The following C2orf49 variants were observed in gnomAD, a reference collection of about 807,000 sequenced individuals.
The protein encoded by C2orf49 is tRNA-splicing ligase complex subunit ASW.
In C2orf49, 11 loss-of-function variants were observed where a neutral mutation model predicts 20.6. The observed-to-expected ratio is 0.53, with a 90% CI of 0.34 to 0.88. The LOEUF is 0.88. C2orf49 is among the 40% of genes least tolerant of loss of function. The pLI is 0.02. For synonymous variants in C2orf49, 134 were observed against 108.5 expected, an observed-to-expected ratio of 1.24 and a Z score of -1.46; for missense variants, 289 against 274.2, an observed-to-expected ratio of 1.05 and a Z score of -0.38.
the C2orf49 span, among the ~76,000 whole-genome samples, chr2:105,363,624 C>T: frequency 1.3e-5 from 2 of 152,194 alleles, no homozygotes; most frequent in Non-Finnish European, 2.9e-5. Context: ...CACAGTCACT[C>T]GTCACCCTCA....
At chr2:105,343,336 G>T (rs1046071003) in intron 3 of C2orf49, 113 bp downstream of exon 3, 3 of 1,013,282 alleles carry the variant, frequency 3.0e-6, no homozygotes, top group Non-Finnish European at 4.2e-6. Flanking sequence ...GAACCCTTTT[G>T]ATGGTCTGTC....
rs913667178 is a variant in C2orf49, at chr2:105,346,789, A to G, written c.*1418A>G. On this transcript the variant is annotated 3_prime_UTR_variant, in exon 4 of 4. Transcript: ENST00000258457. ...GTTCTACACAGAATTACCTGCTAAG[A>G]TTTTTTGTTTATTTTTGTTTGAGTG... 1 of 152,212 alleles carries G rather than the reference A, an allele frequency of 6.6e-6. No individual in the cohort carries two copies. Among genetic ancestry groups the G allele is most frequent in the East Asian group, 1.9e-4 (1 of 5,180 alleles). The allele number at this position is 152,212 out of a possible 1,614,324, so 9.4% of individuals were successfully genotyped here.
At chr2:105,339,218 T>A (rs1361039914) in intron 1 of C2orf49, among the ~76,000 whole-genome samples, 1 of 152,264 alleles carries the variant, frequency 6.6e-6, no homozygotes, top group Non-Finnish European at 1.5e-5. Flanking sequence ...ATTGACAGAA[T>A]GTGGTGATTG....
chr2:105,339,844 T>A, intron 2 of C2orf49, 95 bp downstream of exon 2: 1 of 1,136,310 alleles, frequency 8.8e-7, no homozygotes, highest in Non-Finnish European at 1.2e-6. Context: ...AAGTAAAAAA[T>A]TTATTTACTC....
At chr2:105,364,371 C>T in the C2orf49 span, among the ~76,000 whole-genome samples, 1 of 152,198 alleles carries the variant, frequency 6.6e-6, no homozygotes, top group South Asian at 2.1e-4. Flanking sequence ...GCTTAAAGGA[C>T]AGCCGGGACT....
the C2orf49 span, among the ~76,000 whole-genome samples, chr2:105,377,180 CT>C: frequency 1.3e-5 from 2 of 152,152 alleles, no homozygotes; most frequent in Admixed American, 6.5e-5. Context: ...CGTAAATGGG[CT>C]TGATGGGGGT....
chr2:105,374,972 GAGCCTGCCC>G, the C2orf49 span, among the ~76,000 whole-genome samples: 1 of 152,182 alleles, frequency 6.6e-6, no homozygotes, highest in Non-Finnish European at 1.5e-5. Flanking sequence ...CCCTGAAGAA[GAGCCTGCCC>G]ACGATGTCTC....
the C2orf49 span, among the ~76,000 whole-genome samples, chr2:105,361,641 T>C: frequency 4.1e-4 from 63 of 152,166 alleles, 2 homozygotes; most frequent in Non-Finnish European, 1.6e-4. Flanking sequence ...AGAAGAGATA[T>C]ATAAACTGGT....
chr2:105,344,373 A>AT lies in C2orf49; in HGVS notation c.643-932dup, dbSNP rs377712575. Among the ~76,000 whole-genome samples the AT allele has an allele frequency of 8.7e-3, 1,298 of 149,802 alleles. 20 individuals carry two copies. The highest frequency in any genetic ancestry group is 0.03 in the African/African-American group (1,238 of 40,794). On this transcript the variant is annotated intron_variant, in intron 3 of 3. Coordinates refer to ENST00000258457, the MANE Select transcript of C2orf49 (RefSeq NM_024093.3). ...TGCCATAAGGAGTAAGCCTCAGAGA[A>AT]TTTTTTTTTTCCAGGCTCTTAAACA... is the stretch of plus-strand genomic sequence containing the variant.
rs943806613 is a variant in C2orf49, at chr2:105,339,873, A to G, written c.266+124A>G. 1.2e-5 allele frequency: 10 copies of G among 827,850 alleles called. No individual in the cohort carries two copies. The African/African-American group carries it at 1.6e-4, about 13-fold the overall frequency. The allele number at this position is 827,850 out of a possible 1,614,324, so 51.3% of individuals were successfully genotyped here. ...TTTACTCAATGACTATCTATTGAGC[A>G]CCAGGCACTGTGCGTATAGCAGTGA... is the stretch of plus-strand genomic sequence containing the variant. On this transcript the variant is annotated intron_variant, in intron 2 of 3. Transcript: ENST00000258457.
chr2:105,342,035 C>G (rs1274969734), intron 2 of C2orf49, among the ~76,000 whole-genome samples: 1 of 152,146 alleles, frequency 6.6e-6, no homozygotes, highest in African/African-American at 2.4e-5. Context: ...TAGCTGGGCA[C>G]TGTGGCATGC....
intron 1 of C2orf49, 124 bp downstream of exon 1, chr2:105,337,810 AC>A: frequency 1.3e-6 from 1 of 778,172 alleles, no homozygotes; most frequent in Non-Finnish European, 2.0e-6. Flanking sequence ...GTCACTCTCC[AC>A]CCACACAGAC....
At position 105,345,791 on chromosome 2, in the gene C2orf49, C is replaced by T. The variant is rs1397038276; in HGVS notation, c.*420C>T. The T allele has an allele frequency of 1.9e-5, 3 of 160,874 alleles. No homozygotes were observed. The highest frequency in any genetic ancestry group is 1.9e-4 in the East Asian group (1 of 5,388). The allele number at this position is 160,874 out of a possible 1,614,324, so 10.0% of individuals were successfully genotyped here. ...CAGCCTGACCAACATGGAGAAACCCCGTCTCTACTAAAAAATACAAAATTA... is the reference window on the plus strand; with the variant it reads ...CAGCCTGACCAACATGGAGAAACCCTGTCTCTACTAAAAAATACAAAATTA... On this transcript the variant is annotated 3_prime_UTR_variant, in exon 4 of 4. Coordinates refer to ENST00000258457, the MANE Select transcript of C2orf49 (RefSeq NM_024093.3).
At chr2:105,367,518 A>G in the C2orf49 span, 1 of 1,550,824 alleles carries the variant, frequency 6.4e-7, no homozygotes, top group Non-Finnish European at 8.8e-7. Flanking sequence ...GACATGGACC[A>G]TGGAGGCAAA....
At chr2:105,369,181 G>T in the C2orf49 span, among the ~76,000 whole-genome samples, 7 of 152,192 alleles carry the variant, frequency 4.6e-5, no homozygotes, top group Non-Finnish European at 1.5e-5. Context: ...CTTCAACTGG[G>T]GGTCAGGGAA....
downstream of C2orf49, among the ~76,000 whole-genome samples, chr2:105,352,831 A>T (rs1679972276): frequency 6.6e-6 from 1 of 152,214 alleles, no homozygotes; most frequent in African/African-American, 2.4e-5. Flanking sequence ...TTAAAGTCGC[A>T]GTATTCTGTG....
At chr2:105,338,942 AATTTGGTGATTTAG>A (rs1573240319) in intron 1 of C2orf49, among the ~76,000 whole-genome samples, 1 of 152,218 alleles carries the variant, frequency 6.6e-6, no homozygotes, top group East Asian at 1.9e-4. Flanking sequence ...AATGAGGAAG[AATTTGGTGATTTAG>A]ATAGAGATGG....
In C2orf49 at chr2:105,345,536, C is replaced by T. The variant is rs1679790676; in HGVS notation, c.*165C>T. The stretch of plus-strand genomic sequence containing the variant: ...TTTATTTTCCTTCCCTTCTTCCCTC[C>T]CTCCCTTCCTTTTTTAAAATTCTTG... On this transcript the variant is annotated 3_prime_UTR_variant, in exon 4 of 4. Transcript: ENST00000258457. 3.1e-6 allele frequency: 2 copies of T among 636,530 alleles called. No individual in the cohort carries two copies. The highest frequency in any genetic ancestry group is 6.2e-5 in the Admixed American group (2 of 32,386). The allele number at this position is 636,530 out of a possible 1,614,324, so 39.4% of individuals were successfully genotyped here.
At chr2:105,352,750 TTTC>T (rs572695205), downstream of C2orf49, among the ~76,000 whole-genome samples, 51 of 152,232 alleles carry the variant, frequency 3.4e-4, no homozygotes, top group South Asian at 1.7e-3. Flanking sequence ...AGCTGGGTCT[TTTC>T]TTCTTCTTAA....
Sources: gnomAD v4.1 joint callset for allele counts (sites outside exome capture counted in the v4.1 genomes callset) on GRCh38, gnomAD v4.1.1 for gene constraint, MANE v1.5 for transcripts, NCBI Gene and HGNC (gene_info 2026-07-23, HGNC 2026-07-21) for gene names.